NELFB: variants seen among roughly 807,000 people sequenced by gnomAD.
NELFB encodes negative elongation factor complex member B, also known as negative elongation factor B.
In NELFB, 34 loss-of-function variants were observed where a neutral mutation model predicts 60.2. The observed-to-expected ratio is 0.56, with a 90% CI of 0.43 to 0.75. NELFB has a LOEUF of 0.75. Among genes scored for constraint, NELFB ranks in the 30% least tolerant of loss-of-function variants. The pLI, the probability that NELFB is intolerant of heterozygous loss-of-function variation, is 0.00. For missense variants in NELFB, 770 were observed against 831.6 expected, an observed-to-expected ratio of 0.93 and a Z score of 0.91; for synonymous variants, 459 against 382.1, an observed-to-expected ratio of 1.20 and a Z score of -2.35.
chr9:137,264,404 C>A, intron 6 of NELFB, 47 bp downstream of exon 6: 1 of 1,397,840 alleles, frequency 7.2e-7, no homozygotes, highest in Non-Finnish European at 9.9e-7. Context: ...GCCCTGCGTG[C>A]ATCCGGTCTG....
At position 137,266,341 on chromosome 9, in the gene NELFB, A is replaced by C. The variant is rs1588188696; in HGVS notation, c.1154A>C (p.Asp385Ala). 1 of 1,612,656 alleles carries C rather than the reference A, an allele frequency of 6.2e-7. No homozygotes were observed. The highest frequency in any genetic ancestry group is 1.1e-5 in the South Asian group (1 of 91,052). The change falls in exon 8 of 13, where the codon GAC (aspartate) becomes GCC (alanine). Residue 385 changes from aspartate to alanine, a missense_variant. Asp to Ala is a moderately radical substitution (Grantham distance 126). Coordinates refer to ENST00000343053, the MANE Select transcript of NELFB (RefSeq NM_015456.5). ...CCGTCCTCCCTACAGGACAGCCCCG[A>C]CCTCCTGCTGCTGCTCCGGCTGCTG...
intron 4 of NELFB, among the ~76,000 whole-genome samples, chr9:137,262,419 C>T (rs552095803): frequency 3.3e-5 from 5 of 152,282 alleles, no homozygotes; most frequent in South Asian, 2.1e-4. Context: ...ACAGAAGGCT[C>T]GCACTCTTGT....
intron 4 of NELFB, among the ~76,000 whole-genome samples, chr9:137,259,484 C>T (rs1303014762): frequency 6.6e-6 from 1 of 152,110 alleles, no homozygotes; most frequent in African/African-American, 2.4e-5. Context: ...CAGACAGAGC[C>T]CTTGGACCCC....
chr9:137,272,086 ACCTTTGGCGACTTGG>A lies in NELFB; in HGVS notation c.1507_1521del (p.Leu503_Asp507del), dbSNP rs1329426985. On this transcript the variant is annotated inframe_deletion, in exon 11 of 13. Coordinates refer to ENST00000343053, the MANE Select transcript of NELFB (RefSeq NM_015456.5). ...GATGCCTGCTGTGTCTGCAGTGGAG[ACCTTTGGCGACTTGG>A]CCTTTGGCGACATCTTCCTCCACCT... The A allele has an allele frequency of 2.5e-6, 4 of 1,613,734 alleles. No individual in the cohort carries two copies. Among genetic ancestry groups the A allele is most frequent in the Non-Finnish European group, 3.4e-6 (4 of 1,179,946 alleles).
intron 1 of NELFB, 98 bp from the exon 2 acceptor site, chr9:137,255,809 G>T: frequency 6.5e-7 from 1 of 1,550,162 alleles, no homozygotes; most frequent in Non-Finnish European, 8.7e-7. Flanking sequence ...CCGCCAGCAC[G>T]GCTGGGAACA....
In NELFB at chr9:137,271,855, T is replaced by C. The variant is rs939874618; in HGVS notation, c.1490-226T>C. 4.7e-5 allele frequency among the ~76,000 whole-genome samples: 5 copies of C among 106,362 alleles called. No individual in the cohort carries two copies. The Admixed American group carries it at 6.7e-4, about 14-fold the overall frequency. The allele number at this position is 106,362 out of a possible 152,430, so 69.8% of individuals were successfully genotyped here. On this transcript the variant is annotated intron_variant, in intron 10 of 12. Transcript: ENST00000343053. ...CCCCCTCCCTCCACCCTCCTGTCCC[T>C]GGGCTGCAGCTCTGCTTCCCTGCCA...
rs561569875 is a variant in NELFB at position 137,265,674 on chromosome 9, G to A, written c.1041-203G>A. Among the ~76,000 whole-genome samples the A allele has an allele frequency of 6.6e-4, 82 of 123,690 alleles. 1 individual carries two copies. The South Asian group carries it at 0.02, about 30-fold the overall frequency. The allele number at this position is 123,690 out of a possible 152,430, so 81.1% of individuals were successfully genotyped here. On this transcript the variant is annotated intron_variant, in intron 6 of 12. Coordinates refer to ENST00000343053, the MANE Select transcript of NELFB (RefSeq NM_015456.5). ...AAGTGCTGGGATGACAGGCTGAGCC[G>A]CCGCGCCCGGCCTGCCAAAGTGCTG...
chr9:137,266,323 C>T lies in NELFB; in HGVS notation c.1144-8C>T. On this transcript the variant is annotated splice_polypyrimidine_tract_variant and splice_region_variant and intron_variant, in intron 7 of 12. Coordinates refer to ENST00000343053, the MANE Select transcript of NELFB (RefSeq NM_015456.5). ...CTGGGAGAGGCGCTGAGCCCGTCCT[C>T]CCTACAGGACAGCCCCGACCTCCTG... 5 of 1,610,752 alleles carry T rather than the reference C, an allele frequency of 3.1e-6. No homozygotes were observed. The highest frequency in any genetic ancestry group is 4.2e-6 in the Non-Finnish European group (5 of 1,178,610).
chr9:137,255,397 G>C lies in NELFB; in HGVS notation c.32G>C (p.Gly11Ala), dbSNP rs914979509. 1 of 842,440 alleles carries C rather than the reference G, an allele frequency of 1.2e-6. No homozygotes were observed. The highest frequency in any genetic ancestry group is 1.6e-6 in the Non-Finnish European group (1 of 612,322). The allele number at this position is 842,440 out of a possible 1,614,324, so 52.2% of individuals were successfully genotyped here. ...GAGCTGGAGGGCGCCGGGGAGCGGG[G>C]CTCGGGCGGTCCCCGAGGCCCGGCG... The change falls in exon 1 of 13, where the codon GGC (glycine) becomes GCC (alanine). Residue 11 changes from glycine (G) to alanine (A), a missense_variant. Coordinates refer to ENST00000343053, the MANE Select transcript of NELFB (RefSeq NM_015456.5).
intron 6 of NELFB, 38 bp from the exon 7 acceptor site, chr9:137,265,839 A>G (rs1388711427): frequency 4.3e-6 from 6 of 1,387,640 alleles, no homozygotes; most frequent in Non-Finnish European, 6.2e-6. Context: ...GGGAGGGGCA[A>G]CAGGCGTCGC....
At chr9:137,264,781 A>G (rs116164596) in intron 6 of NELFB, among the ~76,000 whole-genome samples, 4 of 151,836 alleles carry the variant, frequency 2.6e-5, no homozygotes, top group African/African-American at 7.2e-5. Context: ...GGATGTTTCA[A>G]TAGAGCTATG....
chr9:137,272,058 G>T, intron 10 of NELFB, 23 bp from the exon 11 acceptor site: 1 of 1,613,990 alleles, frequency 6.2e-7, no homozygotes, highest in Non-Finnish European at 8.5e-7. Context: ...GTGGCACTGG[G>T]CTGATGCCTG....
intron 10 of NELFB, among the ~76,000 whole-genome samples, chr9:137,267,734 C>T (rs891999045): frequency 3.9e-5 from 6 of 152,112 alleles, no homozygotes; most frequent in South Asian, 2.1e-4. Context: ...CTTCATGATC[C>T]GCCCGCCTCG....
rs939122377 is a variant in NELFB at position 137,256,416 on chromosome 9, G to A, written c.498G>A (p.Lys166=). ...AGCCCGTGGTGATGTGCGTCATGAA[G>A]CACCTGCCCAAGGTAGGGCCCTAAC... Residue 166 remains lysine (K), a synonymous_variant, in exon 3 of 13, where the codon AAG becomes AAA. Transcript: ENST00000343053. The A allele has an allele frequency of 1.2e-6, 2 of 1,613,682 alleles. No homozygotes were observed. Among genetic ancestry groups the A allele is most frequent in the Non-Finnish European group, 1.7e-6 (2 of 1,179,950 alleles).
intron 10 of NELFB, among the ~76,000 whole-genome samples, chr9:137,270,327 A>G (rs1830569058): frequency 6.7e-6 from 1 of 149,432 alleles, no homozygotes; most frequent in African/African-American, 2.5e-5. Context: ...TTGGTGGCTC[A>G]TGCCTGTAAT....
intron 4 of NELFB, among the ~76,000 whole-genome samples, chr9:137,259,204 A>G (rs1588184806): frequency 6.6e-6 from 1 of 152,218 alleles, no homozygotes; most frequent in Non-Finnish European, 1.5e-5. Context: ...AAAGGAAAAA[A>G]AAAATATTGA....
rs1830525753 is a variant in NELFB, at chr9:137,266,963, G to C, written c.1259G>C (p.Arg420Thr). The C allele has an allele frequency of 6.2e-7, 1 of 1,613,622 alleles. No homozygotes were observed. Reference sequence around the variant, plus strand: ...TCGTAGGAGGTAGAGCTCATCACCAGGTTCCTCCCGATGCTCATGTCCTTC... The same window carrying C: ...TCGTAGGAGGTAGAGCTCATCACCACGTTCCTCCCGATGCTCATGTCCTTC... Residue 420 changes from arginine (R) to threonine (T), a missense_variant, in exon 9 of 13, where the codon AGG becomes ACG. Physicochemically the swap from Arg to Thr is moderately conservative, Grantham distance 71. Transcript: ENST00000343053.
At position 137,266,406 on chromosome 9, in the gene NELFB, G is replaced by C. The variant is rs148861168; in HGVS notation, c.1219G>C (p.Val407Leu). The change falls in exon 8 of 13, where the codon GTC becomes CTC. Residue 407 changes from valine to leucine, a missense_variant. Transcript: ENST00000343053. Reference sequence around the variant, plus strand: ...AGCCTGGGACATGATCGACAGCCAGGTCTTCAAGGAGCCCAAGATGGTAAC... The same window carrying C: ...AGCCTGGGACATGATCGACAGCCAGCTCTTCAAGGAGCCCAAGATGGTAAC... The C allele has an allele frequency of 3.2e-5, 51 of 1,612,842 alleles. No homozygotes were observed. The African/African-American group carries it at 6.4e-4, about 20-fold the overall frequency.
intron 9 of NELFB, 45 bp from the exon 10 acceptor site, chr9:137,267,195 G>A (rs115604241): frequency 2.5e-5 from 3 of 120,484 alleles, no homozygotes; most frequent in Admixed American, 3.8e-4. Flanking sequence ...GCTGAGGTGG[G>A]GCTGAGGTGG....
Sources: gnomAD v4.1 joint callset for allele counts (sites outside exome capture counted in the v4.1 genomes callset) on GRCh38, gnomAD v4.1.1 for gene constraint, MANE v1.5 for transcripts, NCBI Gene and HGNC (gene_info 2026-07-23, HGNC 2026-07-21) for gene names.